Variants in GYG2 observed in about 807,000 individuals in gnomAD.
GYG2 encodes the protein glycogenin 2, also known as glycogenin-2.
Under a neutral mutation model 29.4 loss-of-function variants are expected in GYG2, and 29 were observed. The observed-to-expected ratio is 0.99, with a 90% CI of 0.74 to 1.35. The LOEUF (loss-of-function observed/expected upper bound fraction) is 1.35, where lower values mean the gene tolerates loss of function less well. Among genes scored for constraint, GYG2 ranks in the 40% most tolerant of loss-of-function variants. GYG2 has a pLI of 0.00. For missense variants in GYG2, 370 were observed against 385.7 expected (o/e 0.96, Z 0.34); for synonymous variants, 167 against 172.3 (o/e 0.97, Z 0.24).
At chrX:2,874,659 C>T (rs1371108257) in intron 8 of GYG2, among the ~76,000 whole-genome samples, 15 of 111,994 alleles carry the variant, frequency 1.3e-4, no homozygotes, top group African/African-American at 4.2e-4. Flanking sequence ...CACTACCTAC[C>T]TCTCCATAAA....
At chrX:2,869,188 C>T (rs1014230460) in intron 8 of GYG2, among the ~76,000 whole-genome samples, 1 of 112,040 alleles carries the variant, frequency 8.9e-6, no homozygotes, top group Admixed American at 9.5e-5. Context: ...GTTATTATTC[C>T]CTAAACAATA....
rs766096862 is a variant in GYG2 at position 2,856,616 on chromosome X, C to T, written c.606C>T (p.Ala202=). The T allele has an allele frequency of 1.2e-5, 15 of 1,203,141 alleles. No individual in the cohort carries two copies. The East Asian group carries it at 3.9e-4, about 31-fold the overall frequency. The change falls in exon 6 of 11, where the codon GCC becomes GCT. Residue 202 remains alanine (A), a synonymous_variant. Coordinates refer to ENST00000398806, the MANE Select transcript of GYG2 (RefSeq NM_001079855.2). ...SSNTMYTYSP[A]FKQFGSSAKV... ...ACACGATGTACACTTACAGCCCTGC[C>T]TTCAAGCAGTAAGTTCTCCACCCTG...
intron 2 of GYG2, among the ~76,000 whole-genome samples, chrX:2,840,311 A>G (rs1398753277): frequency 9.0e-6 from 1 of 111,493 alleles, no homozygotes; most frequent in Admixed American, 9.6e-5. Flanking sequence ...GGTGAAGCTC[A>G]CACAGTACCT....
At chrX:2,857,695 A>AACACACAC (rs778302296) in intron 6 of GYG2, among the ~76,000 whole-genome samples, 1 of 110,502 alleles carries the variant, frequency 9.0e-6, no homozygotes, top group East Asian at 2.8e-4. Context: ...CACACACAGA[A>AACACACAC]ACACACACAC....
intron 10 of GYG2, chrX:2,878,223 A>G: frequency 1.3e-6 from 1 of 742,554 alleles, no homozygotes; most frequent in Non-Finnish European, 1.6e-6. Flanking sequence ...TACGTTGGAC[A>G]GCTCAGCCAT....
At position 2,830,090 on chromosome X, in the gene GYG2, C is replaced by T. The variant is rs1386418371; in HGVS notation, c.-99C>T. The T allele has an allele frequency of 4.8e-6, 4 of 834,694 alleles. No homozygotes were observed. The highest frequency in any genetic ancestry group is 2.0e-5 in the African/African-American group (1 of 50,751). 68.8% of individuals were successfully genotyped at this position (834,694 alleles called of 1,213,427 possible). ...GGAAATCCACGCGGATTCCCGGAGACGGCGCCTCTGCTCTGCGGGTTCGTG... is the reference window on the plus strand; with the variant it reads ...GGAAATCCACGCGGATTCCCGGAGATGGCGCCTCTGCTCTGCGGGTTCGTG... On this transcript the variant is annotated 5_prime_UTR_variant, in exon 2 of 11. It adds an upstream start codon to the 5' untranslated region. Coordinates refer to ENST00000398806, the MANE Select transcript of GYG2 (RefSeq NM_001079855.2).
chrX:2,847,465 G>T (rs2087760074), intron 3 of GYG2, among the ~76,000 whole-genome samples: 1 of 104,314 alleles, frequency 9.6e-6, no homozygotes, highest in African/African-American at 3.5e-5. Context: ...GAAGCAGGTG[G>T]ATCACTTGAG....
At chrX:2,870,507 C>T (rs971358010) in intron 8 of GYG2, among the ~76,000 whole-genome samples, 6 of 111,523 alleles carry the variant, frequency 5.4e-5, no homozygotes, top group Non-Finnish European at 9.4e-5. Context: ...CCGGCCTCTA[C>T]TAACATTAGT....
chrX:2,856,768 C>G (rs920393294), intron 6 of GYG2, 144 bp downstream of exon 6: 27 of 385,459 alleles, frequency 7.0e-5, no homozygotes, highest in South Asian at 4.2e-4. Flanking sequence ...ATCTATCTAT[C>G]TATCTATCTA....
intron 10 of GYG2, among the ~76,000 whole-genome samples, chrX:2,878,430 A>G (rs779853752): frequency 1.8e-5 from 2 of 111,495 alleles, no homozygotes; most frequent in African/African-American, 6.5e-5. Context: ...GCAACCAGCT[A>G]ATTTTTTATT....
At chrX:2,872,739 T>TG in intron 8 of GYG2, among the ~76,000 whole-genome samples, 1 of 112,023 alleles carries the variant, frequency 8.9e-6, no homozygotes, top group African/African-American at 3.2e-5. Flanking sequence ...AATGGTTTTT[T>TG]GAGCACTTAT....
chrX:2,848,302 AC>A (rs1450946483), intron 3 of GYG2, among the ~76,000 whole-genome samples: 1 of 110,752 alleles, frequency 9.0e-6, no homozygotes, highest in African/African-American at 3.3e-5. Context: ...ACTTTGGGAG[AC>A]TGAGGTGGAC....
chrX:2,860,109 G>A (rs1209273239), intron 7 of GYG2, 44 bp downstream of exon 7: 2 of 842,788 alleles, frequency 2.4e-6, no homozygotes, highest in Non-Finnish European at 3.4e-6. Context: ...AGGACGAGGA[G>A]AACATCCTTG....
At chrX:2,830,368 G>A (rs2087237268) in intron 2 of GYG2, among the ~76,000 whole-genome samples, 173 bp downstream of exon 2, 3 of 111,816 alleles carry the variant, frequency 2.7e-5, no homozygotes, top group Non-Finnish European at 5.6e-5. Flanking sequence ...GGAGATACCA[G>A]CCTCAGCTGC....
intron 3 of GYG2, among the ~76,000 whole-genome samples, chrX:2,843,656 G>T (rs1265865972): frequency 4.6e-4 from 52 of 112,013 alleles, no homozygotes; most frequent in African/African-American, 1.6e-3. Flanking sequence ...TTGAGACAGG[G>T]TCTCGCTCTG....
chrX:2,878,279 A>T, intron 10 of GYG2: 1 of 484,323 alleles, frequency 2.1e-6, no homozygotes, highest in Non-Finnish European at 2.5e-6. Flanking sequence ...TTTTCTTTTT[A>T]AAAATTATTA....
At chrX:2,869,925 G>A (rs6642052) in intron 8 of GYG2, among the ~76,000 whole-genome samples, 23,631 of 111,603 alleles carry the variant, frequency 0.21, 2,757 homozygotes, top group African/African-American at 0.44. Context: ...TACAGGCGTG[G>A]GCCACCGTGC....
rs769199661 is a variant in GYG2 at position 2,878,489 on chromosome X, C to T, written c.1251+1182C>T. Among the ~76,000 whole-genome samples the T allele has an allele frequency of 5.4e-5, 6 of 111,009 alleles. No individual in the cohort carries two copies. The East Asian group carries it at 1.4e-3, about 26-fold the overall frequency. On this transcript the variant is annotated intron_variant, in intron 10 of 10. Transcript: ENST00000398806. ...TTCACTATGCTGTCCAGGCTGGTCT[C>T]GAACACCTGGCCTCAAGTGATCCTC...
intron 8 of GYG2, among the ~76,000 whole-genome samples, chrX:2,870,940 G>A (rs942420816): frequency 2.7e-5 from 3 of 111,273 alleles, no homozygotes; most frequent in African/African-American, 9.8e-5. Flanking sequence ...GCCAGACATG[G>A]TAAATGAAAA....
Sources: allele counts gnomAD v4.1 joint callset (sites outside exome capture counted in the v4.1 genomes callset), GRCh38; gene constraint gnomAD v4.1.1; transcripts MANE v1.5; gene names NCBI Gene and HGNC (gene_info 2026-07-23, HGNC 2026-07-21).